The following CDH13 variants were observed in gnomAD, a reference collection of about 807,000 sequenced individuals.
The protein encoded by CDH13 is cadherin-13.
A neutral mutation model predicts 63.8 loss-of-function variants in CDH13; 24 were observed. The observed-to-expected ratio is 0.38, with a 90% CI of 0.27 to 0.53. CDH13 has a LOEUF of 0.53. CDH13 is among the 20% of genes least tolerant of loss of function. CDH13 has a pLI of 0.85. For missense variants in CDH13, 1,049 were observed against 903.1 expected (o/e 1.16, Z -2.07); for synonymous variants, 503 against 355.3 (o/e 1.42, Z -4.67).
Position 83,796,851 on chromosome 16 carries a change from G to T in CDH13, c.*1821G>T, listed in dbSNP as rs190428410. 1 of 152,168 alleles carries T rather than the reference G, an allele frequency of 6.6e-6. No individual in the cohort carries two copies. The highest frequency in any genetic ancestry group is 1.5e-5 in the Non-Finnish European group (1 of 68,036). The allele number at this position is 152,168 out of a possible 1,614,324, so 9.4% of individuals were successfully genotyped here. On this transcript the variant is annotated 3_prime_UTR_variant, in exon 14 of 14. Transcript: ENST00000567109. The stretch of plus-strand genomic sequence containing the variant: ...GTAATTGCATACTCAAAGATGAGAC[G>T]GACCATTCTCAGTTGATGACCACAT...
At chr16:83,720,400 G>A (rs1328731113) in intron 10 of CDH13, among the ~76,000 whole-genome samples, 1 of 152,072 alleles carries the variant, frequency 6.6e-6, no homozygotes, top group Admixed American at 6.5e-5. Flanking sequence ...TTACACCCAA[G>A]TCAGCATTTA....
At chr16:83,373,268 A>G (rs1264599491) in intron 6 of CDH13, among the ~76,000 whole-genome samples, 1 of 152,198 alleles carries the variant, frequency 6.6e-6, no homozygotes, top group African/African-American at 2.4e-5. Flanking sequence ...GGGGAATTGC[A>G]AAGGATAGGA....
chr16:83,383,600 A>G (rs1257088076), intron 6 of CDH13, among the ~76,000 whole-genome samples: 1 of 152,164 alleles, frequency 6.6e-6, no homozygotes, highest in African/African-American at 2.4e-5. Flanking sequence ...TTTTTATATC[A>G]GAATGGACTC....
chr16:83,062,719 C>G (rs143711242), intron 3 of CDH13, among the ~76,000 whole-genome samples: 1 of 152,314 alleles, frequency 6.6e-6, no homozygotes, highest in East Asian at 1.9e-4. Flanking sequence ...AACTTAGAGA[C>G]TTGAAATAAT....
intron 2 of CDH13, among the ~76,000 whole-genome samples, chr16:82,961,901 A>T (rs1177501384): frequency 6.6e-6 from 1 of 152,192 alleles, no homozygotes; most frequent in East Asian, 1.9e-4. Flanking sequence ...AATGCACTAG[A>T]CAACCTCCAC....
At chr16:83,073,722 C>G (rs199874499) in intron 3 of CDH13, among the ~76,000 whole-genome samples, 3 of 151,954 alleles carry the variant, frequency 2.0e-5, no homozygotes, top group East Asian at 3.9e-4. Context: ...AAGATATGAT[C>G]ATATATTTAA....
At chr16:83,362,655 T>G (rs2091184223) in intron 6 of CDH13, among the ~76,000 whole-genome samples, 1 of 152,242 alleles carries the variant, frequency 6.6e-6, no homozygotes, top group Non-Finnish European at 1.5e-5. Context: ...GGGAACCATG[T>G]AAGTCTGCCT....
At chr16:83,568,037 C>T (rs146844490) in intron 7 of CDH13, among the ~76,000 whole-genome samples, 47 of 152,296 alleles carry the variant, frequency 3.1e-4, no homozygotes, top group Middle Eastern at 6.8e-3. Context: ...CCAAACCCAG[C>T]TCACAAGCAG....
chr16:83,502,851 C>G (rs918525553), intron 7 of CDH13, among the ~76,000 whole-genome samples: 1 of 152,182 alleles, frequency 6.6e-6, no homozygotes, highest in Non-Finnish European at 1.5e-5. Context: ...TCCACTTGAC[C>G]AGATCTTTCT....
At chr16:83,188,846 C>T (rs962560471) in intron 4 of CDH13, among the ~76,000 whole-genome samples, 1 of 152,144 alleles carries the variant, frequency 6.6e-6, no homozygotes, top group Non-Finnish European at 1.5e-5. Flanking sequence ...TGTCGCCTTG[C>T]CTTCTTTTCT....
intron 6 of CDH13, chr16:83,397,620 G>C (rs1231913795): frequency 2.0e-5 from 3 of 152,228 alleles, no homozygotes; most frequent in Non-Finnish European, 2.9e-5. Flanking sequence ...AGGAGGAATT[G>C]AGTTAGAGAT....
intron 1 of CDH13, among the ~76,000 whole-genome samples, chr16:82,693,277 T>C (rs1050200653): frequency 6.6e-6 from 1 of 152,238 alleles, no homozygotes; most frequent in African/African-American, 2.4e-5. Context: ...GTTGAATAAG[T>C]ACCTCTTTAT....
chr16:83,115,380 C>T (rs114017803), intron 3 of CDH13, among the ~76,000 whole-genome samples: 5 of 152,292 alleles, frequency 3.3e-5, no homozygotes, highest in African/African-American at 1.2e-4. Context: ...TTTTCTATGG[C>T]AGACTTGGTG....
At chr16:83,089,053 C>G (rs1302028195) in intron 3 of CDH13, among the ~76,000 whole-genome samples, 4 of 152,082 alleles carry the variant, frequency 2.6e-5, no homozygotes, top group South Asian at 2.1e-4. Flanking sequence ...TCTTTATAGA[C>G]AAAATTTACA....
chr16:82,846,340 T>C (rs1419715662), intron 1 of CDH13, among the ~76,000 whole-genome samples: 3 of 151,792 alleles, frequency 2.0e-5, no homozygotes, highest in Non-Finnish European at 4.4e-5. Context: ...AACTATAATA[T>C]TAATGTATAC....
At chr16:83,023,306 C>A (rs971127412) in intron 2 of CDH13, among the ~76,000 whole-genome samples, 1 of 151,954 alleles carries the variant, frequency 6.6e-6, no homozygotes, top group Non-Finnish European at 1.5e-5. Context: ...CACTACCCCC[C>A]GACTCCACCC....
At chr16:83,067,507 C>T (rs147359599) in intron 3 of CDH13, among the ~76,000 whole-genome samples, 5 of 152,224 alleles carry the variant, frequency 3.3e-5, no homozygotes, top group East Asian at 1.9e-4. Flanking sequence ...AGGAAACAAA[C>T]GTACAAACGA....
intron 6 of CDH13, among the ~76,000 whole-genome samples, chr16:83,367,983 C>T (rs189720609): frequency 6.6e-6 from 1 of 152,286 alleles, no homozygotes; most frequent in East Asian, 1.9e-4. Flanking sequence ...TTTCAATAGA[C>T]AAGTCTTGCA....
At chr16:83,700,766 C>A (rs1906100378) in intron 10 of CDH13, among the ~76,000 whole-genome samples, 1 of 152,082 alleles carries the variant, frequency 6.6e-6, no homozygotes, top group Non-Finnish European at 1.5e-5. Flanking sequence ...CAGATATGGC[C>A]ACCATTATAT....
Sources: allele counts gnomAD v4.1 joint callset (sites outside exome capture counted in the v4.1 genomes callset), GRCh38; gene constraint gnomAD v4.1.1; transcripts MANE v1.5; gene names NCBI Gene and HGNC (gene_info 2026-07-23, HGNC 2026-07-21).